The following ORC4 variants were observed in gnomAD, a reference collection of about 807,000 sequenced individuals.
ORC4 encodes the protein origin recognition complex, subunit 4 homolog.
A neutral mutation model predicts 63.9 loss-of-function variants in ORC4; 55 were observed. The ratio of observed to expected loss-of-function variants is 0.86; its 90% CI spans 0.69 to 1.08. The LOEUF is 1.08. Among genes scored for constraint, ORC4 ranks in the 50% least tolerant of loss-of-function variants. The pLI, the probability that ORC4 is intolerant of heterozygous loss-of-function variation, is 0.00. For synonymous variants in ORC4, 150 were observed against 168.5 expected, an observed-to-expected ratio of 0.89 and a Z score of 0.85; for missense variants, 511 against 504.4, an observed-to-expected ratio of 1.01 and a Z score of -0.13.
chr2:148,010,848 C>CTTTTTTTTTTTTT (rs201359357), intron 1 of ORC4, among the ~76,000 whole-genome samples: 1 of 98,534 alleles, frequency 1.0e-5, no homozygotes, highest in African/African-American at 3.7e-5. Flanking sequence ...CAGATTTATT[C>CTTTTTTTTTTTTT]TTTTTTTTTT....
chr2:147,955,046 T>C (rs2105305737), intron 7 of ORC4, among the ~76,000 whole-genome samples: 1 of 152,064 alleles, frequency 6.6e-6, no homozygotes, highest in South Asian at 2.1e-4. Context: ...ATGATGCAGA[T>C]CAAAATCTTA....
chr2:147,999,401 A>C (rs1187549302), intron 1 of ORC4, among the ~76,000 whole-genome samples: 1 of 152,172 alleles, frequency 6.6e-6, no homozygotes, highest in East Asian at 1.9e-4. Flanking sequence ...TACTACTGGC[A>C]ATCAGACTTA....
chr2:147,988,440 A>G (rs1448907131), intron 1 of ORC4, among the ~76,000 whole-genome samples: 1 of 151,576 alleles, frequency 6.6e-6, no homozygotes, highest in African/African-American at 2.4e-5. Flanking sequence ...GCTCACTGCA[A>G]CCTCCGCCTC....
intron 4 of ORC4, among the ~76,000 whole-genome samples, chr2:147,959,490 C>A (rs778728284): frequency 2.6e-4 from 40 of 151,814 alleles, no homozygotes; most frequent in Non-Finnish European, 5.2e-4. Context: ...CTGGGAAAAG[C>A]AGTTGTATAC....
In ORC4 at chr2:147,931,020, C is replaced by T. The variant is rs1393439630; in HGVS notation, c.*4490G>A. The T allele has an allele frequency of 1.4e-5, 2 of 144,692 alleles. No homozygotes were observed. Among genetic ancestry groups the T allele is most frequent in the Non-Finnish European group, 1.5e-5 (1 of 65,342 alleles). The allele number at this position is 144,692 out of a possible 1,614,324, so 9.0% of individuals were successfully genotyped here. ...ATCCCTCCCCCATCCCCCCACCCCA[C>T]AACAGTCCCCAGAGTGTGATATTCC... is the stretch of plus-strand genomic sequence containing the variant. On this transcript the variant is annotated 3_prime_UTR_variant, in exon 14 of 14. Transcript: ENST00000392857.
chr2:148,001,403 C>A (rs533613513), intron 1 of ORC4, among the ~76,000 whole-genome samples: 3 of 152,104 alleles, frequency 2.0e-5, no homozygotes, highest in African/African-American at 7.2e-5. Flanking sequence ...AGACTAACAA[C>A]GGATCTCTCT....
At chr2:147,970,719 T>C (rs1469840625) in intron 4 of ORC4, among the ~76,000 whole-genome samples, 1 of 151,962 alleles carries the variant, frequency 6.6e-6, no homozygotes, top group East Asian at 1.9e-4. Context: ...TGCAAAACTA[T>C]AAAGCTTGTA....
intron 9 of ORC4, among the ~76,000 whole-genome samples, chr2:147,944,426 T>C (rs1688543295): frequency 6.6e-6 from 1 of 151,486 alleles, no homozygotes; most frequent in Non-Finnish European, 1.5e-5. Flanking sequence ...AGAAGTGAGG[T>C]TCAACAATAT....
chr2:148,001,853 T>G (rs1188060706), intron 1 of ORC4, among the ~76,000 whole-genome samples: 1 of 152,098 alleles, frequency 6.6e-6, no homozygotes, highest in African/African-American at 2.4e-5. Flanking sequence ...GTGTGCTATA[T>G]TCAAGAGACC....
intron 8 of ORC4, among the ~76,000 whole-genome samples, chr2:147,949,910 T>C (rs1214163782): frequency 6.6e-6 from 1 of 152,158 alleles, no homozygotes. Context: ...CCCAGAAATA[T>C]ACATCTCCAC....
chr2:147,958,804 T>G lies in ORC4; in HGVS notation c.288A>C (p.Gln96His). ...TGGCATACTTACCATTTAAGTGAAC[T>G]TGTAATACATTTTCACTCACTTCTT... ...EIEEVSENVL[Q>H]VHLNGLLQIN... The change falls in exon 5 of 14, where the codon CAA becomes CAC. Residue 96 changes from glutamine to histidine, a missense_variant. Coordinates refer to ENST00000392857, the MANE Select transcript of ORC4 (RefSeq NM_181741.4). 6.9e-7 allele frequency: 1 copy of G among 1,455,438 alleles called. No homozygotes were observed. The allele number at this position is 1,455,438 out of a possible 1,614,324, so 90.2% of individuals were successfully genotyped here.
At chr2:147,981,639 T>A (rs1367881447) in intron 1 of ORC4, among the ~76,000 whole-genome samples, 2 of 152,190 alleles carry the variant, frequency 1.3e-5, no homozygotes, top group African/African-American at 2.4e-5. Context: ...CATTCCACAA[T>A]GTATACCTAT....
intron 1 of ORC4, among the ~76,000 whole-genome samples, chr2:147,983,578 G>A (rs1691015243): frequency 1.3e-5 from 2 of 152,214 alleles, no homozygotes; most frequent in South Asian, 2.1e-4. Flanking sequence ...AGAACTCTAT[G>A]GAAACGAATG....
intron 1 of ORC4, among the ~76,000 whole-genome samples, chr2:148,001,033 A>G (rs916450564): frequency 7.2e-5 from 11 of 152,262 alleles, no homozygotes; most frequent in African/African-American, 2.6e-4. Context: ...AAGTTTTAGA[A>G]GTATTTCCCT....
chr2:147,955,042 C>A (rs1484360381), intron 7 of ORC4, among the ~76,000 whole-genome samples: 1 of 151,748 alleles, frequency 6.6e-6, no homozygotes, highest in Admixed American at 6.6e-5. Flanking sequence ...AATGATGATG[C>A]AGATCAAAAT....
intron 1 of ORC4, among the ~76,000 whole-genome samples, chr2:147,991,699 G>A (rs891792320): frequency 3.9e-5 from 6 of 151,962 alleles, no homozygotes; most frequent in African/African-American, 9.7e-5. Context: ...GTCGTGGTGC[G>A]TACCTGTAAT....
At chr2:147,984,579 G>A (rs1193409939) in intron 1 of ORC4, among the ~76,000 whole-genome samples, 1 of 152,090 alleles carries the variant, frequency 6.6e-6, no homozygotes, top group Admixed American at 6.6e-5. Context: ...AGTCAACTGC[G>A]TATGGAGGAA....
intron 5 of ORC4, 67 bp downstream of exon 5, chr2:147,958,724 A>G: frequency 1.2e-6 from 1 of 803,694 alleles, no homozygotes; most frequent in Non-Finnish European, 2.2e-6. Flanking sequence ...GATTTGAAAT[A>G]TACAAGTCAT....
chr2:147,985,065 T>C (rs1052768660), intron 1 of ORC4, among the ~76,000 whole-genome samples: 2 of 152,236 alleles, frequency 1.3e-5, no homozygotes, highest in Admixed American at 6.5e-5. Context: ...TTCTTTCTCA[T>C]GATGCCTTCC....
Sources: gnomAD v4.1 joint callset for allele counts (sites outside exome capture counted in the v4.1 genomes callset) on GRCh38, gnomAD v4.1.1 for gene constraint, MANE v1.5 for transcripts, NCBI Gene and HGNC (gene_info 2026-07-23, HGNC 2026-07-21) for gene names.